The following DCUN1D4 variants were observed in gnomAD, a reference collection of about 807,000 sequenced individuals.
DCUN1D4 encodes the protein defective in cullin neddylation 1 domain containing 4.
A neutral mutation model predicts 47.9 loss-of-function variants in DCUN1D4; 22 were observed. The ratio of observed to expected loss-of-function variants is 0.46; its 90% CI spans 0.33 to 0.66. The LOEUF is 0.66. DCUN1D4 is among the 30% of genes least tolerant of loss of function. The pLI is 0.02. For missense variants in DCUN1D4, 301 were observed against 340.8 expected (o/e 0.88, Z 0.92); for synonymous variants, 121 against 112.2 (o/e 1.08, Z -0.50).
chr4:51,872,863 C>T (rs371687730), intron 3 of DCUN1D4, among the ~76,000 whole-genome samples: 25 of 152,298 alleles, frequency 1.6e-4, no homozygotes, highest in Middle Eastern at 3.4e-3. Context: ...TGCTGAAGGC[C>T]GCCATGAGCG....
intron 5 of DCUN1D4, among the ~76,000 whole-genome samples, chr4:51,882,755 A>G (rs1420315499): frequency 1.3e-5 from 2 of 152,194 alleles, no homozygotes; most frequent in Non-Finnish European, 2.9e-5. Context: ...CGACAGTGCC[A>G]GACTCCATTT....
At chr4:51,879,585 C>T (rs1042230949) in intron 5 of DCUN1D4, among the ~76,000 whole-genome samples, 1 of 152,238 alleles carries the variant, frequency 6.6e-6, no homozygotes, top group East Asian at 1.9e-4. Context: ...CCAGCCTGGG[C>T]GACAGAGCAA....
rs567462439 is a variant in DCUN1D4, at chr4:51,915,282, T to C, written c.*1698T>C. ...AAATCATGATATAGTAGAATGCAAC[T>C]ACTTTCTTTTTCTACCAAACGAAAG... is the stretch of plus-strand genomic sequence containing the variant. On this transcript the variant is annotated 3_prime_UTR_variant, in exon 11 of 11. Coordinates refer to ENST00000334635, the MANE Select transcript of DCUN1D4 (RefSeq NM_001040402.3). The C allele has an allele frequency of 5.2e-5, 8 of 152,730 alleles. No individual in the cohort carries two copies. The highest frequency in any genetic ancestry group is 3.4e-3 in the Middle Eastern group (1 of 294). The allele number at this position is 152,730 out of a possible 1,614,324, so 9.5% of individuals were successfully genotyped here. A position where few individuals can be genotyped will look rare whatever the true frequency, so the allele number is the denominator to read the frequency against.
At chr4:51,884,718 G>A (rs1243083081) in intron 5 of DCUN1D4, among the ~76,000 whole-genome samples, 1 of 152,176 alleles carries the variant, frequency 6.6e-6, no homozygotes, top group African/African-American at 2.4e-5. Flanking sequence ...TGTGCTAAAT[G>A]TGTGAGAACC....
upstream of DCUN1D4, among the ~76,000 whole-genome samples, chr4:51,839,764 G>A (rs187507799): frequency 6.6e-6 from 1 of 152,260 alleles, no homozygotes; most frequent in African/African-American, 2.4e-5. Context: ...ATCTGTCTGT[G>A]CAGGCCCAAC....
chr4:51,889,721 A>G (rs908993360), intron 6 of DCUN1D4, among the ~76,000 whole-genome samples: 2 of 152,176 alleles, frequency 1.3e-5, no homozygotes, highest in African/African-American at 4.8e-5. Context: ...TCCTAGGTAA[A>G]TCGATATACA....
intron 1 of DCUN1D4, chr4:51,844,467 C>T (rs1052647215): frequency 1.1e-6 from 1 of 950,264 alleles, no homozygotes; most frequent in Non-Finnish European, 1.3e-6. Flanking sequence ...TGCGGGGTTT[C>T]AGCAGCGGGA....
intron 6 of DCUN1D4, among the ~76,000 whole-genome samples, chr4:51,888,352 G>A (rs1010653654): frequency 6.6e-6 from 1 of 152,134 alleles, no homozygotes; most frequent in African/African-American, 2.4e-5. Context: ...AGAAGAAAGG[G>A]AGGCACAGCT....
chr4:51,843,371 C>T (rs1721896650), intron 1 of DCUN1D4, 104 bp downstream of exon 1: 10 of 1,389,574 alleles, frequency 7.2e-6, no homozygotes, highest in Non-Finnish European at 9.4e-6. Context: ...CGAAACGCGC[C>T]GGGAGCCCCT....
At chr4:51,910,435 A>AATCT (rs772042591) in intron 8 of DCUN1D4, among the ~76,000 whole-genome samples, 1 of 152,138 alleles carries the variant, frequency 6.6e-6, no homozygotes, top group Non-Finnish European at 1.5e-5. Context: ...ACGTCTAAGA[A>AATCT]ATCTATCTAT....
At chr4:51,834,103 C>CTTTTT in the DCUN1D4 span, among the ~76,000 whole-genome samples, 6 of 42,582 alleles carry the variant, frequency 1.4e-4, no homozygotes, top group Non-Finnish European at 2.0e-4. Flanking sequence ...TTTCTTCTTT[C>CTTTTT]TTTTTTTTTT....
intron 1 of DCUN1D4, among the ~76,000 whole-genome samples, chr4:51,851,925 T>C (rs1723438237): frequency 2.0e-5 from 3 of 152,238 alleles, no homozygotes; most frequent in Admixed American, 2.0e-4. Context: ...TCCATGGTCT[T>C]GGTAACCCTC....
upstream of DCUN1D4, among the ~76,000 whole-genome samples, chr4:51,839,913 T>C (rs1242125866): frequency 6.6e-6 from 1 of 152,204 alleles, no homozygotes; most frequent in Non-Finnish European, 1.5e-5. Flanking sequence ...CTGTTTTTTT[T>C]CTCTTACTAG....
upstream of DCUN1D4, among the ~76,000 whole-genome samples, chr4:51,842,051 TG>T (rs1721703910): frequency 6.6e-6 from 1 of 152,010 alleles, no homozygotes; most frequent in African/African-American, 2.4e-5. Flanking sequence ...CATAATGCGG[TG>T]TGATAAGTTA....
intron 3 of DCUN1D4, among the ~76,000 whole-genome samples, chr4:51,872,717 C>A (rs1255364223): frequency 2.0e-5 from 3 of 152,188 alleles, no homozygotes; most frequent in Admixed American, 2.0e-4. Context: ...TGGGCTTTGC[C>A]ACTGGGCTGC....
chr4:51,896,369 T>C (rs1182589841), intron 7 of DCUN1D4, among the ~76,000 whole-genome samples: 1 of 152,172 alleles, frequency 6.6e-6, no homozygotes, highest in Non-Finnish European at 1.5e-5. Flanking sequence ...GGGGTAGTTA[T>C]CTAAATGAGT....
At chr4:51,902,121 T>C (rs1394108564) in intron 8 of DCUN1D4, among the ~76,000 whole-genome samples, 1 of 152,226 alleles carries the variant, frequency 6.6e-6, no homozygotes, top group African/African-American at 2.4e-5. Context: ...CTATTATTGA[T>C]AGTTTAATTC....
chr4:51,868,572 A>G (rs1309001787), intron 3 of DCUN1D4, among the ~76,000 whole-genome samples: 1 of 152,188 alleles, frequency 6.6e-6, no homozygotes, highest in Non-Finnish European at 1.5e-5. Flanking sequence ...CATAAAATCT[A>G]TGATGTTTAG....
At chr4:51,880,682 G>T (rs1446132744) in intron 5 of DCUN1D4, among the ~76,000 whole-genome samples, 1 of 152,130 alleles carries the variant, frequency 6.6e-6, no homozygotes, top group Non-Finnish European at 1.5e-5. Flanking sequence ...TTCGCTGGGG[G>T]CTTTTCCTCC....
Sources: allele counts gnomAD v4.1 joint callset (sites outside exome capture counted in the v4.1 genomes callset), GRCh38; gene constraint gnomAD v4.1.1; transcripts MANE v1.5; gene names NCBI Gene and HGNC (gene_info 2026-07-23, HGNC 2026-07-21).